Variants in LRMDA observed in about 807,000 individuals in gnomAD.
LRMDA encodes the protein leucine rich melanocyte differentiation associated, also known as leucine-rich melanocyte differentiation-associated protein.
Under a neutral mutation model 29.8 loss-of-function variants are expected in LRMDA, and 18 were observed. The ratio of observed to expected loss-of-function variants is 0.60; its 90% CI spans 0.42 to 0.90. LRMDA has a LOEUF of 0.90. Ranked by LOEUF, LRMDA falls within the 40% of genes least tolerant of loss-of-function variation. The probability of loss-of-function intolerance (pLI) is 0.00; values close to 1 mark genes in which losing one functional copy is unlikely to be tolerated. For missense variants in LRMDA, 273 were observed against 273.9 expected, an observed-to-expected ratio of 1.00 and a Z score of 0.02; for synonymous variants, 125 against 109.4, an observed-to-expected ratio of 1.14 and a Z score of -0.89.
chr10:75,734,586 C>A (rs539197626), intron 2 of LRMDA, among the ~76,000 whole-genome samples: 1 of 152,168 alleles, frequency 6.6e-6, no homozygotes, highest in African/African-American at 2.4e-5. Flanking sequence ...CATGAGTTAC[C>A]ATGGATTCAT....
chr10:76,284,984 A>G (rs1387912796), intron 5 of LRMDA, among the ~76,000 whole-genome samples: 1 of 152,112 alleles, frequency 6.6e-6, no homozygotes, highest in Non-Finnish European at 1.5e-5. Context: ...CCCAGTCTCA[A>G]GTATGTCTTT....
intron 2 of LRMDA, among the ~76,000 whole-genome samples, chr10:75,471,485 G>A (rs1171066095): frequency 1.3e-5 from 2 of 152,126 alleles, no homozygotes; most frequent in African/African-American, 4.8e-5. Flanking sequence ...GGCAAAACCT[G>A]CCTAAGGACC....
Position 76,343,283 on chromosome 10 carries a change from G to C in LRMDA, c.601+18798G>C, listed in dbSNP as rs535730070. On this transcript the variant is annotated intron_variant, in intron 6 of 6. Transcript: ENST00000611255. ...TACATAAGGCCTTTACAGAAACACTGATAAGGGCTTTATAGAAACACTGAT... is the reference window on the plus strand; with the variant it reads ...TACATAAGGCCTTTACAGAAACACTCATAAGGGCTTTATAGAAACACTGAT... Among the ~76,000 whole-genome samples, 41 of 152,266 alleles carry C rather than the reference G, an allele frequency of 2.7e-4. 1 individual carries two copies. The South Asian group carries it at 3.1e-3, about 12-fold the overall frequency.
At chr10:76,251,623 T>C (rs1358921320) in intron 5 of LRMDA, among the ~76,000 whole-genome samples, 1 of 152,168 alleles carries the variant, frequency 6.6e-6, no homozygotes, top group East Asian at 1.9e-4. Context: ...CATAGCGGTG[T>C]GAGTATTCTT....
chr10:76,138,632 A>C (rs985433468), intron 5 of LRMDA, among the ~76,000 whole-genome samples: 7 of 152,174 alleles, frequency 4.6e-5, no homozygotes, highest in African/African-American at 1.7e-4. Context: ...TCCATAAGGA[A>C]TTGAAATCAT....
At chr10:75,612,652 G>A (rs1045097324) in intron 2 of LRMDA, among the ~76,000 whole-genome samples, 1 of 147,434 alleles carries the variant, frequency 6.8e-6, no homozygotes, top group East Asian at 2.0e-4. Flanking sequence ...TTATATATTT[G>A]TATATATAAA....
intron 1 of LRMDA, among the ~76,000 whole-genome samples, chr10:75,433,479 A>G (rs1366285222): frequency 6.6e-6 from 1 of 152,194 alleles, no homozygotes; most frequent in Non-Finnish European, 1.5e-5. Flanking sequence ...CTGGAGTCTT[A>G]GTGCCCCATT....
intron 6 of LRMDA, among the ~76,000 whole-genome samples, chr10:76,546,500 TC>T (rs1330211183): frequency 6.6e-6 from 1 of 152,200 alleles, no homozygotes; most frequent in East Asian, 1.9e-4. Context: ...CCCAACATTC[TC>T]CGAGTGGCTA....
In LRMDA at chr10:75,568,788, A is replaced by C. The variant is rs184216079; in HGVS notation, c.131+130294A>C. ...AGACACTTAATCATTTGCAAGTTTAAGTTCCTTTCAATTGGCCTGGAAGCA... is the reference window on the plus strand; with the variant it reads ...AGACACTTAATCATTTGCAAGTTTACGTTCCTTTCAATTGGCCTGGAAGCA... On this transcript the variant is annotated intron_variant, in intron 2 of 6. Transcript: ENST00000611255. Among the ~76,000 whole-genome samples the C allele has an allele frequency of 2.0e-5, 3 of 152,338 alleles. No homozygotes were observed. In the East Asian group the frequency reaches 5.8e-4, roughly 29 times the overall value.
chr10:76,484,156 T>C (rs1053135202), intron 6 of LRMDA, among the ~76,000 whole-genome samples: 3 of 151,492 alleles, frequency 2.0e-5, no homozygotes, highest in Admixed American at 2.0e-4. Flanking sequence ...TCTTGTCCCA[T>C]CCTCCTTCTT....
intron 2 of LRMDA, among the ~76,000 whole-genome samples, chr10:75,727,604 C>A (rs1272127535): frequency 6.6e-6 from 1 of 152,168 alleles, no homozygotes; most frequent in Non-Finnish European, 1.5e-5. Flanking sequence ...TAACCAGTAA[C>A]CATGTTCTTT....
chr10:75,604,295 T>C (rs1363005423), intron 2 of LRMDA, among the ~76,000 whole-genome samples: 2 of 152,190 alleles, frequency 1.3e-5, no homozygotes, highest in Non-Finnish European at 2.9e-5. Context: ...TCTGTTACAG[T>C]AGAAATGCTG....
chr10:76,409,289 C>G (rs1381237377), intron 6 of LRMDA, among the ~76,000 whole-genome samples: 1 of 152,084 alleles, frequency 6.6e-6, no homozygotes, highest in Non-Finnish European at 1.5e-5. Context: ...AGTATTAGCC[C>G]TTTTATGCCC....
intron 2 of LRMDA, among the ~76,000 whole-genome samples, chr10:75,999,433 A>C (rs1283828058): frequency 1.3e-5 from 2 of 152,204 alleles, no homozygotes; most frequent in East Asian, 3.8e-4. Flanking sequence ...TCAGTTGCAG[A>C]ATTTTTTTCC....
At chr10:76,490,295 A>G (rs958292770) in intron 6 of LRMDA, among the ~76,000 whole-genome samples, 2 of 151,922 alleles carry the variant, frequency 1.3e-5, no homozygotes, top group African/African-American at 4.8e-5. Context: ...AATATCTGTT[A>G]GATCCATTTG....
intron 2 of LRMDA, among the ~76,000 whole-genome samples, chr10:75,968,580 A>G (rs1846908746): frequency 6.6e-6 from 1 of 152,194 alleles, no homozygotes; most frequent in Non-Finnish European, 1.5e-5. Flanking sequence ...AAAAAACAGC[A>G]TTGCCAGAGA....
intron 6 of LRMDA, among the ~76,000 whole-genome samples, chr10:76,532,598 T>C (rs2220608): frequency 0.33 from 50,281 of 151,970 alleles, 8,857 homozygotes; most frequent in Non-Finnish European, 0.37. Flanking sequence ...TGATGGGTAG[T>C]GCACAGAAAG....
chr10:75,726,392 T>G lies in LRMDA; in HGVS notation c.131+287898T>G, dbSNP rs928362691. On this transcript the variant is annotated intron_variant, in intron 2 of 6. Coordinates refer to ENST00000611255, the MANE Select transcript of LRMDA (RefSeq NM_001305581.2). ...AATTTTGGCTGAACTGTTGCTGACT[T>G]ACTTAGCATCCATAGGTGAGCCACC... is the stretch of plus-strand genomic sequence containing the variant. 4.6e-5 allele frequency among the ~76,000 whole-genome samples: 7 copies of G among 152,204 alleles called. No homozygotes were observed. In the East Asian group the frequency reaches 1.3e-3, roughly 29 times the overall value.
chr10:75,940,237 G>C (rs145801913), intron 2 of LRMDA, among the ~76,000 whole-genome samples: 185 of 152,226 alleles, frequency 1.2e-3, no homozygotes, highest in Admixed American at 2.4e-3. Flanking sequence ...AAATACAGAA[G>C]GCATTATTGG....
Sources: allele counts gnomAD v4.1 joint callset (sites outside exome capture counted in the v4.1 genomes callset), GRCh38; gene constraint gnomAD v4.1.1; transcripts MANE v1.5; gene names NCBI Gene and HGNC (gene_info 2026-07-23, HGNC 2026-07-21).